Variants in SPRR2G observed in about 807,000 individuals in gnomAD.
The protein encoded by SPRR2G is small proline rich protein 2G, also known as small proline-rich protein 2G.
A neutral mutation model predicts 0.7 loss-of-function variants in SPRR2G; 1 was observed. That is an observed-to-expected ratio of 1.49 (90% confidence interval 0.53 to 7.06). The LOEUF is 7.06. Ranked by LOEUF, SPRR2G falls within the 30% of genes most tolerant of loss-of-function variation. SPRR2G has a pLI of 0.14. For missense variants in SPRR2G, 96 were observed against 88.5 expected (o/e 1.09, Z -0.34); for synonymous variants, 38 against 33.9 (o/e 1.12, Z -0.42).
At chr1:153,192,777 T>G in the SPRR2G span, among the ~76,000 whole-genome samples, 2 of 152,370 alleles carry the variant, frequency 1.3e-5, no homozygotes, top group South Asian at 2.1e-4. Flanking sequence ...TAAAGTCTTT[T>G]TGTTTAAGTT....
At chr1:153,158,478 C>T in the SPRR2G span, among the ~76,000 whole-genome samples, 2 of 152,250 alleles carry the variant, frequency 1.3e-5, no homozygotes, top group Non-Finnish European at 2.9e-5. Context: ...TTTGGCAGCT[C>T]TGCCCCTGTG....
the SPRR2G span, chr1:153,190,771 C>G: frequency 6.6e-6 from 1 of 152,200 alleles, no homozygotes; most frequent in Admixed American, 6.5e-5. Context: ...TGAAGACAAT[C>G]ACATTGTCTG....
At chr1:153,185,059 C>T in the SPRR2G span, among the ~76,000 whole-genome samples, 147 of 152,156 alleles carry the variant, frequency 9.7e-4, 1 homozygote, top group Non-Finnish European at 1.5e-3. Flanking sequence ...TGAAGCTGAC[C>T]TGATTGTGGT....
chr1:153,194,693 G>T, the SPRR2G span, among the ~76,000 whole-genome samples: 2 of 152,044 alleles, frequency 1.3e-5, no homozygotes, highest in Non-Finnish European at 2.9e-5. Flanking sequence ...CTTTTTTTCT[G>T]AATCATTGCA....
the SPRR2G span, among the ~76,000 whole-genome samples, chr1:153,189,185 T>C: frequency 1.3e-5 from 2 of 152,254 alleles, no homozygotes; most frequent in African/African-American, 4.8e-5. Flanking sequence ...TTGAAATTTT[T>C]ATATTGTTTT....
chr1:153,193,442 GCA>G, the SPRR2G span, among the ~76,000 whole-genome samples: 1 of 152,124 alleles, frequency 6.6e-6, no homozygotes, highest in Admixed American at 6.5e-5. Context: ...ACATGTGCAT[GCA>G]CACACACTCA....
At chr1:153,152,527 A>G (rs1403037720), upstream of SPRR2G, among the ~76,000 whole-genome samples, 1 of 152,200 alleles carries the variant, frequency 6.6e-6, no homozygotes, top group East Asian at 1.9e-4. Context: ...AACGTCTTTG[A>G]GTTGAGCCCT....
the SPRR2G span, among the ~76,000 whole-genome samples, chr1:153,161,156 G>A: frequency 4.7e-3 from 716 of 151,988 alleles, 2 homozygotes; most frequent in African/African-American, 0.016. Context: ...AATGGGTGCC[G>A]CACACCAACA....
At chr1:153,179,346 A>C in the SPRR2G span, among the ~76,000 whole-genome samples, 1 of 152,190 alleles carries the variant, frequency 6.6e-6, no homozygotes, top group Non-Finnish European at 1.5e-5. Context: ...CTGACACGTC[A>C]AAAGACCATC....
chr1:153,185,983 T>C, the SPRR2G span, among the ~76,000 whole-genome samples: 1 of 152,236 alleles, frequency 6.6e-6, no homozygotes. Flanking sequence ...CCAGTAATCA[T>C]TCAGGGGCAG....
chr1:153,193,002 G>C, the SPRR2G span, among the ~76,000 whole-genome samples: 1 of 152,114 alleles, frequency 6.6e-6, no homozygotes, highest in Non-Finnish European at 1.5e-5. Context: ...ACTAGGACTA[G>C]GTTTCCATTT....
At chr1:153,184,616 G>C in the SPRR2G span, among the ~76,000 whole-genome samples, 1 of 152,046 alleles carries the variant, frequency 6.6e-6, no homozygotes, top group Non-Finnish European at 1.5e-5. Flanking sequence ...GAGAAAATGG[G>C]GTTTTCTAAA....
At chr1:153,163,605 C>A in the SPRR2G span, among the ~76,000 whole-genome samples, 2 of 151,638 alleles carry the variant, frequency 1.3e-5, no homozygotes, top group Admixed American at 1.3e-4. Context: ...TTTTTGGAGC[C>A]TAAAAATGCA....
At chr1:153,172,480 C>T in the SPRR2G span, among the ~76,000 whole-genome samples, 2 of 152,082 alleles carry the variant, frequency 1.3e-5, no homozygotes, top group African/African-American at 2.4e-5. Context: ...CTCATTGCAC[C>T]TTTCCTTTGG....
At chr1:153,188,287 T>C in the SPRR2G span, among the ~76,000 whole-genome samples, 3 of 152,178 alleles carry the variant, frequency 2.0e-5, no homozygotes, top group Non-Finnish European at 4.4e-5. Flanking sequence ...ATTTTAAGTC[T>C]GCTGAAGCTG....
At chr1:153,176,875 A>G in the SPRR2G span, among the ~76,000 whole-genome samples, 1 of 152,338 alleles carries the variant, frequency 6.6e-6, no homozygotes, top group African/African-American at 2.4e-5. Flanking sequence ...CAAAGAACTT[A>G]GAACAATGAG....
chr1:153,159,961 TCAAC>T, the SPRR2G span, among the ~76,000 whole-genome samples: 2 of 152,214 alleles, frequency 1.3e-5, no homozygotes, highest in African/African-American at 2.4e-5. Flanking sequence ...CCAAACCATA[TCAAC>T]CAGATTGTTA....
the SPRR2G span, among the ~76,000 whole-genome samples, chr1:153,159,640 G>T: frequency 6.6e-6 from 1 of 152,106 alleles, no homozygotes; most frequent in African/African-American, 2.4e-5. Context: ...GATACTACCT[G>T]AAACTGGGTA....
the SPRR2G span, among the ~76,000 whole-genome samples, chr1:153,175,436 T>C: frequency 6.6e-6 from 1 of 152,206 alleles, no homozygotes; most frequent in Non-Finnish European, 1.5e-5. Context: ...TGGGTTTGGC[T>C]TAACAGGCCC....
Sources: allele counts gnomAD v4.1 joint callset (sites outside exome capture counted in the v4.1 genomes callset), GRCh38; gene constraint gnomAD v4.1.1; transcripts MANE v1.5; gene names NCBI Gene and HGNC (gene_info 2026-07-23, HGNC 2026-07-21).